CEMIP2: variants seen among roughly 807,000 people sequenced by gnomAD.
CEMIP2 encodes cell surface hyaluronidase CEMIP2.
A neutral mutation model predicts 146.9 loss-of-function variants in CEMIP2; 79 were observed. The observed-to-expected ratio is 0.54, with a 90% CI of 0.45 to 0.65. CEMIP2 has a LOEUF of 0.65. CEMIP2 is among the 30% of genes least tolerant of loss of function. The pLI is 0.00. For missense variants in CEMIP2, 1,596 were observed against 1,696.2 expected, an observed-to-expected ratio of 0.94 and a Z score of 1.04; for synonymous variants, 601 against 606.3, an observed-to-expected ratio of 0.99 and a Z score of 0.13.
intron 10 of CEMIP2, among the ~76,000 whole-genome samples, chr9:71,728,311 A>ACG (rs1415655675): frequency 2.2e-5 from 2 of 90,378 alleles, no homozygotes; most frequent in East Asian, 5.9e-4. Flanking sequence ...ACATATATAT[A>ACG]TATATACGTA....
chr9:71,741,369 G>A (rs1823910746), intron 4 of CEMIP2, among the ~76,000 whole-genome samples: 1 of 150,700 alleles, frequency 6.6e-6, no homozygotes, highest in Non-Finnish European at 1.5e-5. Flanking sequence ...GGCCAATTTT[G>A]TACTTTTAGT....
At chr9:71,699,754 C>T (rs962284000) in intron 19 of CEMIP2, among the ~76,000 whole-genome samples, 1 of 152,170 alleles carries the variant, frequency 6.6e-6, no homozygotes, top group Non-Finnish European at 1.5e-5. Context: ...TAAGACATCT[C>T]ACCCACTTCT....
intron 22 of CEMIP2, among the ~76,000 whole-genome samples, chr9:71,689,516 C>T (rs771539305): frequency 6.6e-6 from 1 of 152,226 alleles, no homozygotes. Flanking sequence ...CAGACTAGTG[C>T]TCTGTAAGAG....
intron 17 of CEMIP2, 59 bp from the exon 18 acceptor site, chr9:71,704,862 A>C: frequency 6.6e-7 from 1 of 1,511,346 alleles, no homozygotes; most frequent in South Asian, 1.1e-5. Flanking sequence ...AGCTAAAAAG[A>C]CATTTTCAGC....
intron 4 of CEMIP2, among the ~76,000 whole-genome samples, chr9:71,744,476 C>T (rs1022782895): frequency 3.9e-5 from 6 of 152,202 alleles, no homozygotes; most frequent in Non-Finnish European, 5.9e-5. Flanking sequence ...TTTCCTTCCT[C>T]ATATATGCCA....
chr9:71,685,973 A>G, intron 22 of CEMIP2, 127 bp from the exon 23 acceptor site: 1 of 677,266 alleles, frequency 1.5e-6, no homozygotes, highest in South Asian at 2.0e-5. Context: ...CCAAAAAGAA[A>G]AAAGTCTAGA....
intron 19 of CEMIP2, among the ~76,000 whole-genome samples, chr9:71,700,055 C>T (rs1014894989): frequency 4.6e-5 from 7 of 152,180 alleles, no homozygotes; most frequent in Non-Finnish European, 8.8e-5. Context: ...TGAAGGAACA[C>T]GCTACCTGCT....
chr9:71,756,506 T>TCTCTCTCACACACA (rs1010879160), intron 1 of CEMIP2, among the ~76,000 whole-genome samples: 11 of 112,494 alleles, frequency 9.8e-5, no homozygotes, highest in African/African-American at 3.8e-4. Flanking sequence ...TCTCTCTCTC[T>TCTCTCTCACACACA]CACACACACA....
chr9:71,705,253 A>G (rs1469040184), intron 17 of CEMIP2, among the ~76,000 whole-genome samples: 1 of 152,190 alleles, frequency 6.6e-6, no homozygotes, highest in Non-Finnish European at 1.5e-5. Context: ...TCAATTTTCC[A>G]TGACCTACGT....
rs1823712912 is a variant in CEMIP2, at chr9:71,734,687, T to G, written c.1393+119A>C. ...ACTCCACTGCTATGACTTTCAATAC[T>G]GATGATTGTGATGGTGGTGGTGGTA... On this transcript the variant is annotated intron_variant, in intron 6 of 23. Coordinates refer to ENST00000377044, the MANE Select transcript of CEMIP2 (RefSeq NM_013390.3). 4.6e-6 allele frequency: 4 copies of G among 867,556 alleles called. No individual in the cohort carries two copies. In the Admixed American group the frequency reaches 8.1e-5, roughly 17 times the overall value. The allele number at this position is 867,556 out of a possible 1,614,324, so 53.7% of individuals were successfully genotyped here.
chr9:71,728,284 T>TATACAC (rs1823490351), intron 10 of CEMIP2, among the ~76,000 whole-genome samples: 1 of 21,622 alleles, frequency 4.6e-5, no homozygotes, highest in African/African-American at 1.1e-4. Flanking sequence ...TATATATGTA[T>TATACAC]ATATATATAT....
At chr9:71,755,961 CAAAAAAAAAAAAAAAAAA>C (rs55972127) in intron 1 of CEMIP2, among the ~76,000 whole-genome samples, 18,969 of 53,296 alleles carry the variant, frequency 0.36, 1,898 homozygotes, top group Admixed American at 0.46. Context: ...CTCTGTCTCA[CAAAAAAAAAAAAAAAAAA>C]AAAAAAAAAA....
At chr9:71,738,121 T>C (rs1823811735) in intron 5 of CEMIP2, among the ~76,000 whole-genome samples, 1 of 151,884 alleles carries the variant, frequency 6.6e-6, no homozygotes, top group African/African-American at 2.4e-5. Flanking sequence ...TAAGAACAAA[T>C]AAAGAAAACC....
intron 12 of CEMIP2, among the ~76,000 whole-genome samples, chr9:71,719,524 G>A (rs1564007717): frequency 6.6e-6 from 1 of 152,152 alleles, no homozygotes; most frequent in Non-Finnish European, 1.5e-5. Flanking sequence ...ATCACTGATT[G>A]CTATTTGGAG....
chr9:71,730,022 G>A lies in CEMIP2; in HGVS notation c.1979+26C>T, dbSNP rs185546190. On this transcript the variant is annotated intron_variant, in intron 9 of 23. Coordinates refer to ENST00000377044, the MANE Select transcript of CEMIP2 (RefSeq NM_013390.3). Reference sequence around the variant, plus strand: ...CAAAAGTCAAAGGCCCTGACTCATGGGTTTTTCTCTCCGCCAATTACTCAC... The same window carrying A: ...CAAAAGTCAAAGGCCCTGACTCATGAGTTTTTCTCTCCGCCAATTACTCAC... The A allele has an allele frequency of 1.7e-4, 277 of 1,613,992 alleles. No homozygotes were observed. The African/African-American group carries it at 3.0e-3, about 17-fold the overall frequency.
chr9:71,721,961 A>G (rs2131938382), intron 12 of CEMIP2, among the ~76,000 whole-genome samples: 1 of 152,368 alleles, frequency 6.6e-6, no homozygotes. Context: ...CAAAGGGCTG[A>G]ACCAGAACCA....
intron 19 of CEMIP2, 40 bp downstream of exon 19, chr9:71,700,602 A>G (rs1036436481): frequency 2.6e-6 from 4 of 1,534,730 alleles, no homozygotes; most frequent in Non-Finnish European, 3.5e-6. Context: ...CATTAAAGAA[A>G]AATAGGAATA....
rs908780297 is a variant in CEMIP2, at chr9:71,730,982, C to G, written c.1564-68G>C. 3.8e-5 allele frequency: 50 copies of G among 1,307,256 alleles called. No homozygotes were observed. The Middle Eastern group carries it at 1.1e-3, about 30-fold the overall frequency. The allele number at this position is 1,307,256 out of a possible 1,614,324, so 81.0% of individuals were successfully genotyped here. A position where few individuals can be genotyped will look rare whatever the true frequency, so the allele number is the denominator to read the frequency against. On this transcript the variant is annotated intron_variant, in intron 7 of 23. Transcript: ENST00000377044. ...TAGGGAAGTAGCAAAAAATATTGTT[C>G]TAGTAGAAAACATCCAAAGGAGAAT...
intron 5 of CEMIP2, among the ~76,000 whole-genome samples, chr9:71,737,003 T>C (rs886882713): frequency 6.6e-6 from 1 of 151,558 alleles, no homozygotes; most frequent in Non-Finnish European, 1.5e-5. Flanking sequence ...ACTTCATCTC[T>C]ACAAAAAAAT....
Sources: gnomAD v4.1 joint callset for allele counts (sites outside exome capture counted in the v4.1 genomes callset) on GRCh38, gnomAD v4.1.1 for gene constraint, MANE v1.5 for transcripts, NCBI Gene and HGNC (gene_info 2026-07-23, HGNC 2026-07-21) for gene names.